PGM5: variants seen among roughly 807,000 people sequenced by gnomAD.
The protein encoded by PGM5 is phosphoglucomutase 5.
A neutral mutation model predicts 59.2 loss-of-function variants in PGM5; 23 were observed. The ratio of observed to expected loss-of-function variants is 0.39; its 90% CI spans 0.28 to 0.55. The LOEUF is 0.55. PGM5 is among the 20% of genes least tolerant of loss of function. The pLI, the probability that PGM5 is intolerant of heterozygous loss-of-function variation, is 0.66. For synonymous variants in PGM5, 214 were observed against 286.0 expected (o/e 0.75, Z 2.54); for missense variants, 574 against 748.3 (o/e 0.77, Z 2.72).
At chr9:68,475,200 T>TTTC (rs1406552004) in intron 7 of PGM5, among the ~76,000 whole-genome samples, 1 of 145,334 alleles carries the variant, frequency 6.9e-6, no homozygotes, top group Non-Finnish European at 1.5e-5. Flanking sequence ...TTTTTTTTTT[T>TTTC]TTTTTTGTAT....
At chr9:68,470,171 AATTT>A (rs1310080936) in intron 7 of PGM5, among the ~76,000 whole-genome samples, 1 of 152,188 alleles carries the variant, frequency 6.6e-6, no homozygotes, top group Non-Finnish European at 1.5e-5. Flanking sequence ...AATTATTTAT[AATTT>A]ATTATGTTAA....
At chr9:68,454,533 G>A (rs2132072464) in intron 6 of PGM5, among the ~76,000 whole-genome samples, 1 of 152,306 alleles carries the variant, frequency 6.6e-6, no homozygotes. Flanking sequence ...AGTTCATGAG[G>A]CCGATCACTC....
chr9:68,455,390 A>G (rs1484400069), intron 6 of PGM5, among the ~76,000 whole-genome samples: 1 of 152,178 alleles, frequency 6.6e-6, no homozygotes, highest in African/African-American at 2.4e-5. Flanking sequence ...AGCCAAAAAT[A>G]AGAACCATAC....
intron 6 of PGM5, among the ~76,000 whole-genome samples, chr9:68,417,495 T>C (rs1823054915): frequency 6.6e-6 from 1 of 152,192 alleles, no homozygotes; most frequent in Non-Finnish European, 1.5e-5. Flanking sequence ...GGATGATCCA[T>C]GTCATGGAAC....
chr9:68,413,551 T>C (rs1822971787), intron 6 of PGM5, among the ~76,000 whole-genome samples: 1 of 152,242 alleles, frequency 6.6e-6, no homozygotes, highest in Admixed American at 6.5e-5. Flanking sequence ...AAAACTGCCT[T>C]GGTTTTCATT....
In PGM5 at chr9:68,427,302, C is replaced by G. The variant is rs143223099; in HGVS notation, c.1043+34829C>G. ...CATCTACCCCTTAATATCAGTCATT[C>G]TGTAACACAGATCTTGTTACAGAGA... On this transcript the variant is annotated intron_variant, in intron 6 of 10. Transcript: ENST00000396396. Among the ~76,000 whole-genome samples, 63 of 152,316 alleles carry G rather than the reference C, an allele frequency of 4.1e-4. 3 individuals carry two copies. In the East Asian group the frequency reaches 0.012, roughly 28 times the overall value.
rs200278085 is a variant in PGM5 at position 68,528,854 on chromosome 9, T to G, written c.1615-713T>G. Among the ~76,000 whole-genome samples the G allele has an allele frequency of 2.1e-4, 32 of 152,276 alleles. No individual in the cohort carries two copies. In the East Asian group the frequency reaches 5.4e-3, roughly 26 times the overall value. ...ATATCCATGCACCACTGAAAATCAT[T>G]GTGAGTGTTGCATGCTCCACACCTC... is the stretch of plus-strand genomic sequence containing the variant. On this transcript the variant is annotated intron_variant, in intron 10 of 10. Coordinates refer to ENST00000396396, the MANE Select transcript of PGM5 (RefSeq NM_021965.4).
chr9:68,408,795 C>T (rs1412460354), intron 6 of PGM5, among the ~76,000 whole-genome samples: 3 of 152,222 alleles, frequency 2.0e-5, no homozygotes, highest in Non-Finnish European at 4.4e-5. Context: ...CTACATATGA[C>T]TAGCCAGTTT....
intron 10 of PGM5, among the ~76,000 whole-genome samples, chr9:68,523,587 T>C (rs1014500634): frequency 2.6e-5 from 4 of 152,228 alleles, no homozygotes; most frequent in African/African-American, 9.6e-5. Flanking sequence ...ATCCTAGGGA[T>C]CAGGAGAAAG....
At position 68,437,751 on chromosome 9, in the gene PGM5, A is replaced by G. The variant is rs782546752; in HGVS notation, c.1044-27342A>G. Among the ~76,000 whole-genome samples the G allele has an allele frequency of 6.6e-6, 1 of 152,184 alleles. No homozygotes were observed. The highest frequency in any genetic ancestry group is 1.5e-5 in the Non-Finnish European group (1 of 68,016). On this transcript the variant is annotated intron_variant, in intron 6 of 10. Transcript: ENST00000396396. This position sits in a 1 kb window ranked among gnomAD's most constrained non-coding sequence, Gnocchi z 4.1. ...ATGTTGCTAACCTTTAAAAATGGGG[A>G]TATTTCATATAAAAATCCAAGTTGT...
chr9:68,466,241 G>T, intron 7 of PGM5: 3 of 1,163,818 alleles, frequency 2.6e-6, no homozygotes, highest in Non-Finnish European at 3.3e-6. Context: ...TGAGCCTGTT[G>T]AAGGAATTCT....
chr9:68,430,303 G>T (rs1280956072), intron 6 of PGM5, among the ~76,000 whole-genome samples: 1 of 152,186 alleles, frequency 6.6e-6, no homozygotes, highest in Non-Finnish European at 1.5e-5. Flanking sequence ...GCCTGCAGTG[G>T]ATGTGCGTGA....
intron 6 of PGM5, among the ~76,000 whole-genome samples, chr9:68,417,770 C>T (rs1554682089): frequency 6.6e-6 from 1 of 152,152 alleles, no homozygotes; most frequent in Non-Finnish European, 1.5e-5. Context: ...TTGTTCTATG[C>T]GGCCACCCAG....
chr9:68,395,680 T>C (rs1417121988), intron 6 of PGM5: 3 of 152,194 alleles, frequency 2.0e-5, no homozygotes, highest in Non-Finnish European at 4.4e-5. Flanking sequence ...TTTCTGAGTA[T>C]TTTCTTTATT....
Position 68,426,243 on chromosome 9 carries a change from C to T in PGM5, c.1043+33770C>T, listed in dbSNP as rs1250029168. On this transcript the variant is annotated intron_variant, in intron 6 of 10. Coordinates refer to ENST00000396396, the MANE Select transcript of PGM5 (RefSeq NM_021965.4). The stretch of plus-strand genomic sequence containing the variant: ...GACAAGTCACTTATCTTCCTAAATC[C>T]CAATTCCTCATGTATTTAAAAAAAA... Among the ~76,000 whole-genome samples, 8 of 136,354 alleles carry T rather than the reference C, an allele frequency of 5.9e-5. No homozygotes were observed. The East Asian group carries it at 1.7e-3, about 29-fold the overall frequency. 89.5% of individuals were successfully genotyped at this position (136,354 alleles called of 152,430 possible). A position where few individuals can be genotyped will look rare whatever the true frequency, so the allele number is the denominator to read the frequency against.
intron 4 of PGM5, among the ~76,000 whole-genome samples, chr9:68,389,404 T>C (rs181656005): frequency 2.6e-5 from 4 of 152,142 alleles, no homozygotes; most frequent in East Asian, 3.9e-4. Flanking sequence ...GTCAAACCTC[T>C]CCCCTTATCC....
At position 68,373,795 on chromosome 9, in the gene PGM5, A is replaced by G. The variant is rs530804505; in HGVS notation, c.262-4404A>G. On this transcript the variant is annotated intron_variant, in intron 1 of 10. Coordinates refer to ENST00000396396, the MANE Select transcript of PGM5 (RefSeq NM_021965.4). ...CAATGAGGATGTCCCTGGTGGGCAA[A>G]GACTCTTGTCTACCAAATGGGATGG... Among the ~76,000 whole-genome samples the G allele has an allele frequency of 4.6e-5, 7 of 152,328 alleles. No individual in the cohort carries two copies. In the South Asian group the frequency reaches 1.5e-3, roughly 32 times the overall value.
At position 68,528,013 on chromosome 9, in the gene PGM5, T is replaced by C. The variant is rs144091619; in HGVS notation, c.1615-1554T>C. On this transcript the variant is annotated intron_variant, in intron 10 of 10. Coordinates refer to ENST00000396396, the MANE Select transcript of PGM5 (RefSeq NM_021965.4). ...GGATTGCTTGTGATGTCTTGTACCTTGTGCATTTCCTTGTGTTCCTGTTGT... is the reference window on the plus strand; with the variant it reads ...GGATTGCTTGTGATGTCTTGTACCTCGTGCATTTCCTTGTGTTCCTGTTGT... Among the ~76,000 whole-genome samples, 5 of 152,328 alleles carry C rather than the reference T, an allele frequency of 3.3e-5. No homozygotes were observed. In the East Asian group the frequency reaches 9.7e-4, roughly 29 times the overall value.
chr9:68,471,725 C>T (rs1824022255), intron 7 of PGM5, among the ~76,000 whole-genome samples: 1 of 151,840 alleles, frequency 6.6e-6, no homozygotes, highest in Non-Finnish European at 1.5e-5. Flanking sequence ...TCAAGACCAG[C>T]CTGGCCAACA....
Sources: gnomAD v4.1 joint callset for allele counts (sites outside exome capture counted in the v4.1 genomes callset) on GRCh38, gnomAD v4.1.1 for gene constraint, Gnocchi (gnomAD v3.1) non-coding constraint, MANE v1.5 for transcripts, NCBI Gene and HGNC (gene_info 2026-07-23, HGNC 2026-07-21) for gene names.